Variants in TENM4 observed in about 807,000 individuals in gnomAD.
TENM4 encodes teneurin-4.
Under a neutral mutation model 243.3 loss-of-function variants are expected in TENM4, and 82 were observed. That is an observed-to-expected ratio of 0.34 (90% confidence interval 0.28 to 0.40). TENM4 has a LOEUF of 0.40. TENM4 is among the 10% of genes least tolerant of loss of function. The probability of loss-of-function intolerance (pLI) is 1.00; values close to 1 mark genes in which losing one functional copy is unlikely to be tolerated. For missense variants in TENM4, 3,138 were observed against 3,673.3 expected (o/e 0.85, Z 3.77); for synonymous variants, 1,412 against 1,456.3 (o/e 0.97, Z 0.69).
At chr11:78,725,994 T>C in intron 23 of TENM4, 85 bp downstream of exon 23, 1 of 1,552,074 alleles carries the variant, frequency 6.4e-7, no homozygotes, top group Non-Finnish European at 8.7e-7. Context: ...ATTCAAAATG[T>C]GAATTTTTTG....
chr11:79,016,185 A>G (rs1858769757), intron 6 of TENM4, among the ~76,000 whole-genome samples: 1 of 152,202 alleles, frequency 6.6e-6, no homozygotes, highest in Non-Finnish European at 1.5e-5. Flanking sequence ...TCAAAGATCT[A>G]TTGTATAGGG....
chr11:79,139,202 T>G (rs1315906653), intron 4 of TENM4, among the ~76,000 whole-genome samples: 2 of 44,126 alleles, frequency 4.5e-5, no homozygotes, highest in East Asian at 5.3e-4. Flanking sequence ...TATATTTCTA[T>G]AAATATATAA....
intron 1 of TENM4, among the ~76,000 whole-genome samples, chr11:79,334,516 A>G (rs1414589975): frequency 1.3e-5 from 2 of 152,340 alleles, no homozygotes; most frequent in East Asian, 3.9e-4. Flanking sequence ...ATGGCTGCCC[A>G]GCACTGTCAG....
intron 2 of TENM4, among the ~76,000 whole-genome samples, chr11:79,245,014 A>G (rs1855488068): frequency 6.6e-6 from 1 of 152,220 alleles, no homozygotes; most frequent in South Asian, 2.1e-4. Context: ...TTTCTCCAGG[A>G]AGAATGGCTC....
At chr11:78,928,125 C>A (rs1319623329) in intron 6 of TENM4, among the ~76,000 whole-genome samples, 3 of 152,080 alleles carry the variant, frequency 2.0e-5, no homozygotes, top group African/African-American at 4.8e-5. Flanking sequence ...CCTAGACTAC[C>A]CCAGCAAGAC....
intron 2 of TENM4, among the ~76,000 whole-genome samples, chr11:79,220,753 C>A (rs1864140441): frequency 1.3e-5 from 2 of 152,152 alleles, no homozygotes; most frequent in Non-Finnish European, 2.9e-5. Context: ...ACTGGGAGCT[C>A]CTTGAAGACA....
intron 9 of TENM4, among the ~76,000 whole-genome samples, chr11:78,875,448 C>A (rs1212112553): frequency 6.6e-6 from 1 of 152,178 alleles, no homozygotes; most frequent in East Asian, 1.9e-4. Context: ...GAGTGATCTG[C>A]CCGCCTTGGC....
intron 4 of TENM4, among the ~76,000 whole-genome samples, chr11:79,108,187 A>G (rs1332786896): frequency 1.3e-5 from 2 of 152,164 alleles, no homozygotes; most frequent in African/African-American, 4.8e-5. Flanking sequence ...GTCCAATGCA[A>G]CTCTAGGTGT....
At chr11:78,948,380 T>G (rs1185015990) in intron 6 of TENM4, among the ~76,000 whole-genome samples, 2 of 151,702 alleles carry the variant, frequency 1.3e-5, no homozygotes, top group Admixed American at 1.3e-4. Context: ...CTGTCTTTTT[T>G]TTTTTTTTTT....
At chr11:79,086,781 C>T (rs909236211) in intron 4 of TENM4, among the ~76,000 whole-genome samples, 39 of 144,354 alleles carry the variant, frequency 2.7e-4, no homozygotes, top group African/African-American at 9.9e-4. Context: ...TTGCAGTGAG[C>T]CAGGATCATT....
chr11:79,393,330 G>A (rs370427454), intron 1 of TENM4, among the ~76,000 whole-genome samples: 13 of 124,220 alleles, frequency 1.0e-4, no homozygotes, highest in South Asian at 2.6e-4. Context: ...AACTCAGCTC[G>A]TTGGGCAAGT....
chr11:79,213,074 G>T (rs575197340), intron 3 of TENM4, among the ~76,000 whole-genome samples: 2 of 152,174 alleles, frequency 1.3e-5, no homozygotes, highest in African/African-American at 2.4e-5. Context: ...AATGGATAAT[G>T]TCTGTGCCAT....
At chr11:79,228,633 C>G (rs1312902344) in intron 2 of TENM4, among the ~76,000 whole-genome samples, 1 of 151,390 alleles carries the variant, frequency 6.6e-6, no homozygotes, top group Non-Finnish European at 1.5e-5. Flanking sequence ...AACAAAGAGT[C>G]CTTTCTGGAG....
chr11:79,261,372 TAGA>T (rs1449543020), intron 2 of TENM4, among the ~76,000 whole-genome samples: 2 of 152,218 alleles, frequency 1.3e-5, no homozygotes, highest in East Asian at 3.9e-4. Flanking sequence ...GGACATTCAT[TAGA>T]CACAAACTCT....
intron 4 of TENM4, among the ~76,000 whole-genome samples, chr11:79,072,723 T>C (rs921910662): frequency 1.3e-5 from 2 of 152,174 alleles, no homozygotes; most frequent in African/African-American, 4.8e-5. Context: ...AGCACTATTC[T>C]GGTATAATTT....
At chr11:79,101,472 T>TA (rs1476515786) in intron 4 of TENM4, among the ~76,000 whole-genome samples, 1 of 152,220 alleles carries the variant, frequency 6.6e-6, no homozygotes, top group Admixed American at 6.5e-5. Flanking sequence ...TTACAGCCCT[T>TA]ACTTTGGCTT....
intron 26 of TENM4, among the ~76,000 whole-genome samples, chr11:78,710,971 G>C (rs1324228265): frequency 6.6e-6 from 1 of 152,220 alleles, no homozygotes; most frequent in Non-Finnish European, 1.5e-5. Flanking sequence ...TGGCTGCAAA[G>C]GGTCTTGGGG....
In TENM4 at chr11:79,438,096, G is replaced by T. The variant is rs928316694; in HGVS notation, c.-321+2413C>A. Reference sequence around the variant, plus strand: ...GGGAGGGGACGAGAGGTTTCAGGACGCTGGAATGTGGCAAAAACAAAACAC... The same window carrying T: ...GGGAGGGGACGAGAGGTTTCAGGACTCTGGAATGTGGCAAAAACAAAACAC... On this transcript the variant is annotated intron_variant, in intron 1 of 33. Transcript: ENST00000278550. The surrounding 1 kb of genome is among the most constrained non-coding windows in gnomAD (Gnocchi z 4.1). Among the ~76,000 whole-genome samples the T allele has an allele frequency of 2.0e-5, 3 of 152,028 alleles. No homozygotes were observed. The highest frequency in any genetic ancestry group is 2.9e-5 in the Non-Finnish European group (2 of 68,016).
At position 78,899,564 on chromosome 11, in the gene TENM4, G is replaced by T. The variant is rs865866112; in HGVS notation, c.749+3704C>A. ...CTGCACTCTGTCTCAAAAAGCGGGG[G>T]GGGGGGGAAAAAGAAAAAAGAAAGA... On this transcript the variant is annotated intron_variant, in intron 7 of 33. Coordinates refer to ENST00000278550, the MANE Select transcript of TENM4 (RefSeq NM_001098816.3). 1.9e-4 allele frequency among the ~76,000 whole-genome samples: 26 copies of T among 134,948 alleles called. 3 individuals carry two copies. The Middle Eastern group carries it at 0.014, about 75-fold the overall frequency. The allele number at this position is 134,948 out of a possible 152,430, so 88.5% of individuals were successfully genotyped here. A position where few individuals can be genotyped will look rare whatever the true frequency, so the allele number is the denominator to read the frequency against.
Sources: gnomAD v4.1 joint callset for allele counts (sites outside exome capture counted in the v4.1 genomes callset) on GRCh38, gnomAD v4.1.1 for gene constraint, Gnocchi (gnomAD v3.1) non-coding constraint, MANE v1.5 for transcripts, NCBI Gene and HGNC (gene_info 2026-07-23, HGNC 2026-07-21) for gene names.